Variants in CSMD1 observed in about 807,000 individuals in gnomAD.
The protein encoded by CSMD1 is CUB and sushi domain-containing protein 1.
A neutral mutation model predicts 417.5 loss-of-function variants in CSMD1; 213 were observed. That is an observed-to-expected ratio of 0.51 (90% CI 0.46 to 0.57). CSMD1 has a LOEUF of 0.57. Among genes scored for constraint, CSMD1 ranks in the 20% least tolerant of loss-of-function variants. CSMD1 has a pLI of 0.00. For missense variants in CSMD1, 6,923 were observed against 4,529.7 expected (o/e 1.53, Z -15.17); for synonymous variants, 2,862 against 1,736.8 (o/e 1.65, Z -16.11).
intron 7 of CSMD1, among the ~76,000 whole-genome samples, chr8:3,680,472 C>T (rs968421256): frequency 3.3e-5 from 5 of 152,108 alleles, no homozygotes; most frequent in Non-Finnish European, 7.4e-5. Context: ...ATACACCCTC[C>T]CAAGACTAAA....
At chr8:4,529,501 T>C (rs745428086) in intron 2 of CSMD1, among the ~76,000 whole-genome samples, 4 of 152,324 alleles carry the variant, frequency 2.6e-5, no homozygotes, top group Non-Finnish European at 5.9e-5. Flanking sequence ...ATTATTTAAT[T>C]ATGAATAAAT....
intron 7 of CSMD1, among the ~76,000 whole-genome samples, chr8:3,639,857 C>A (rs1797221778): frequency 6.6e-6 from 1 of 152,100 alleles, no homozygotes; most frequent in African/African-American, 2.4e-5. Flanking sequence ...ATTTTATCAG[C>A]TGGAAAAATA....
intron 2 of CSMD1, among the ~76,000 whole-genome samples, chr8:4,513,135 G>C (rs1443938542): frequency 6.6e-6 from 1 of 152,190 alleles, no homozygotes; most frequent in African/African-American, 2.4e-5. Flanking sequence ...GCGCTCCAAT[G>C]TAAACTATGG....
At chr8:4,914,246 G>C (rs1159464748) in intron 1 of CSMD1, among the ~76,000 whole-genome samples, 1 of 152,156 alleles carries the variant, frequency 6.6e-6, no homozygotes, top group Non-Finnish European at 1.5e-5. Context: ...TTATGCAAGT[G>C]AGTGTGCAGA....
intron 12 of CSMD1, among the ~76,000 whole-genome samples, chr8:3,414,527 C>G (rs1009877926): frequency 2.6e-5 from 4 of 152,140 alleles, no homozygotes; most frequent in Admixed American, 2.0e-4. Context: ...TCATCGCTCC[C>G]CATGCTGCAT....
chr8:3,035,727 G>A (rs1810633597), intron 50 of CSMD1, among the ~76,000 whole-genome samples: 1 of 152,000 alleles, frequency 6.6e-6, no homozygotes, highest in African/African-American at 2.4e-5. Flanking sequence ...ACAATTATAA[G>A]TGAATAAATT....
rs529296921 is a variant in CSMD1, at chr8:4,418,199, T to C, written c.415+1754A>G. Among the ~76,000 whole-genome samples, 7 of 152,170 alleles carry C rather than the reference T, an allele frequency of 4.6e-5. No homozygotes were observed. In the East Asian group the frequency reaches 1.3e-3, roughly 29 times the overall value. ...CAGACTATAATATCACCATTTCAAA[T>C]CGAAATACCACAAAATCATTTTCTA... is the stretch of plus-strand genomic sequence containing the variant. On this transcript the variant is annotated intron_variant, in intron 3 of 69. Transcript: ENST00000635120.
At chr8:4,926,210 G>C (rs1405078167) in intron 1 of CSMD1, among the ~76,000 whole-genome samples, 1 of 152,198 alleles carries the variant, frequency 6.6e-6, no homozygotes, top group African/African-American at 2.4e-5. Context: ...GGTAAAGAAA[G>C]AGGCTGCTAT....
chr8:4,375,505 T>G (rs992523100), intron 3 of CSMD1, among the ~76,000 whole-genome samples: 1 of 152,118 alleles, frequency 6.6e-6, no homozygotes, highest in African/African-American at 2.4e-5. Context: ...GATGGGCAAG[T>G]GACATCAGAA....
chr8:4,539,457 G>C lies in CSMD1; in HGVS notation c.302+97885C>G, dbSNP rs185236568. ...AGTCAGTCTTCAAAAACTCATCTTT[G>C]AAATTGTGTGAAAAAAATATAAGCA... On this transcript the variant is annotated intron_variant, in intron 2 of 69. Transcript: ENST00000635120. Among the ~76,000 whole-genome samples the C allele has an allele frequency of 2.2e-3, 335 of 152,154 alleles. 3 individuals carry two copies. Among genetic ancestry groups the C allele is most frequent in the African/African-American group, 7.9e-3 (328 of 41,510 alleles).
chr8:3,689,342 C>A (rs1239052547), intron 7 of CSMD1, among the ~76,000 whole-genome samples: 1 of 152,176 alleles, frequency 6.6e-6, no homozygotes, highest in Non-Finnish European at 1.5e-5. Flanking sequence ...CCAGTATTGT[C>A]CTCCCCTCAT....
chr8:4,807,333 G>A (rs1798647600), intron 1 of CSMD1, among the ~76,000 whole-genome samples: 2 of 152,298 alleles, frequency 1.3e-5, no homozygotes, highest in South Asian at 2.1e-4. Flanking sequence ...TAGGGTGACA[G>A]CACTGACTTA....
At chr8:3,554,944 G>A (rs1305052991) in intron 10 of CSMD1, among the ~76,000 whole-genome samples, 3 of 151,938 alleles carry the variant, frequency 2.0e-5, no homozygotes, top group African/African-American at 4.8e-5. Context: ...GTGGGTCAGG[G>A]GTGTTAAAGA....
At chr8:4,125,394 C>T (rs1431536946) in intron 3 of CSMD1, among the ~76,000 whole-genome samples, 1 of 152,178 alleles carries the variant, frequency 6.6e-6, no homozygotes, top group Non-Finnish European at 1.5e-5. Flanking sequence ...CTCCAGTTGT[C>T]CCACCTTTCT....
At chr8:4,218,001 A>G (rs889293215) in intron 3 of CSMD1, among the ~76,000 whole-genome samples, 3 of 152,058 alleles carry the variant, frequency 2.0e-5, no homozygotes, top group African/African-American at 4.8e-5. Flanking sequence ...GAAATATCCA[A>G]CCTCACAAAA....
At chr8:3,915,530 G>A (rs1009853994) in intron 5 of CSMD1, among the ~76,000 whole-genome samples, 7 of 151,406 alleles carry the variant, frequency 4.6e-5, no homozygotes, top group Non-Finnish European at 7.4e-5. Flanking sequence ...TTGATCATAC[G>A]ATCAAATTCT....
intron 57 of CSMD1, 43 bp downstream of exon 57, chr8:2,973,074 G>GT: frequency 1.3e-6 from 2 of 1,589,536 alleles, no homozygotes; most frequent in Non-Finnish European, 1.7e-6. Flanking sequence ...GAGCTGTGTG[G>GT]TTTTAACTTT....
At position 4,070,190 on chromosome 8, in the gene CSMD1, A is replaced by T. The variant is rs184693337; in HGVS notation, c.416-38091T>A. ...GCAATTTTAGAGGTGCATTTACCAA[A>T]CCTCTTTTTTTCTGTGTTTCTTGTC... On this transcript the variant is annotated intron_variant, in intron 3 of 69. Coordinates refer to ENST00000635120, the MANE Select transcript of CSMD1 (RefSeq NM_033225.6). Among the ~76,000 whole-genome samples the T allele has an allele frequency of 3.3e-5, 5 of 151,098 alleles. No homozygotes were observed. In the East Asian group the frequency reaches 5.8e-4, roughly 18 times the overall value.
chr8:4,638,577 A>T (rs147718283), intron 1 of CSMD1, among the ~76,000 whole-genome samples: 101 of 152,330 alleles, frequency 6.6e-4, no homozygotes, highest in African/African-American at 2.4e-3. Context: ...GCAGAAAGGA[A>T]GGTGTACCAC....
Sources: gnomAD v4.1 joint callset for allele counts (sites outside exome capture counted in the v4.1 genomes callset) on GRCh38, gnomAD v4.1.1 for gene constraint, MANE v1.5 for transcripts, NCBI Gene and HGNC (gene_info 2026-07-23, HGNC 2026-07-21) for gene names.